The following AGMO variants were observed in gnomAD, a reference collection of about 807,000 sequenced individuals.
The protein encoded by AGMO is glyceryl-ether monooxygenase.
Under a neutral mutation model 60.2 loss-of-function variants are expected in AGMO, and 75 were observed. The observed-to-expected ratio is 1.25, with a 90% CI of 1.03 to 1.51. The LOEUF is 1.51. AGMO is among the 40% of genes most tolerant of loss of function. AGMO has a pLI of 0.00. For synonymous variants in AGMO, 261 were observed against 177.1 expected (o/e 1.47, Z -3.76); for missense variants, 763 against 525.5 (o/e 1.45, Z -4.42).
chr7:15,217,412 C>T (rs1781773652), intron 12 of AGMO, among the ~76,000 whole-genome samples: 1 of 151,932 alleles, frequency 6.6e-6, no homozygotes, highest in Non-Finnish European at 1.5e-5. Context: ...AAAACAAAGA[C>T]ATCTTGAGAG....
At chr7:15,177,015 A>C in the AGMO span, among the ~76,000 whole-genome samples, 1 of 152,106 alleles carries the variant, frequency 6.6e-6, no homozygotes, top group African/African-American at 2.4e-5. Flanking sequence ...CTTGCCTAGC[A>C]AATAAATGTC....
intron 12 of AGMO, among the ~76,000 whole-genome samples, chr7:15,339,751 A>T (rs151171917): frequency 6.6e-6 from 1 of 152,274 alleles, no homozygotes; most frequent in Non-Finnish European, 1.5e-5. Flanking sequence ...TTAGGCAAAA[A>T]TCCCCCCAAA....
intron 2 of AGMO, among the ~76,000 whole-genome samples, chr7:15,546,954 T>C (rs1784797071): frequency 1.3e-5 from 2 of 152,212 alleles, no homozygotes; most frequent in South Asian, 4.1e-4. Context: ...TTGCTCACTA[T>C]TGTTCATTAG....
chr7:15,288,829 A>G (rs1357737507), intron 12 of AGMO, among the ~76,000 whole-genome samples: 1 of 150,196 alleles, frequency 6.7e-6, no homozygotes, highest in Non-Finnish European at 1.5e-5. Context: ...TTTTAAACAG[A>G]GGGCTTTAAA....
intron 12 of AGMO, among the ~76,000 whole-genome samples, chr7:15,296,548 TTAAA>T (rs201647122): frequency 0.015 from 2,241 of 152,256 alleles, 63 homozygotes; most frequent in African/African-American, 0.05. Context: ...CACCTCCTTG[TTAAA>T]TAAAGTCTTC....
chr7:15,442,683 C>G (rs767580611), intron 3 of AGMO, among the ~76,000 whole-genome samples: 1 of 151,984 alleles, frequency 6.6e-6, no homozygotes, highest in Non-Finnish European at 1.5e-5. Context: ...GCTCCACCCC[C>G]GGGGCCTCTA....
At chr7:15,346,786 A>T (rs78057343) in intron 12 of AGMO, among the ~76,000 whole-genome samples, 5,424 of 152,078 alleles carry the variant, frequency 0.036, 104 homozygotes, top group Admixed American at 0.052. Flanking sequence ...AAGCAAAAAA[A>T]CAAGTTGTCT....
chr7:15,206,340 TATATAC>T (rs151162546), intron 12 of AGMO, among the ~76,000 whole-genome samples: 19,200 of 152,004 alleles, frequency 0.13, 1,490 homozygotes, highest in East Asian at 0.33. Context: ...AAATATTCTA[TATATAC>T]AAACATATTT....
At chr7:15,252,876 A>G (rs1782979983) in intron 12 of AGMO, among the ~76,000 whole-genome samples, 1 of 152,186 alleles carries the variant, frequency 6.6e-6, no homozygotes, top group Non-Finnish European at 1.5e-5. Context: ...AAAAGACAAG[A>G]GATCATGACA....
At chr7:15,275,542 T>C (rs1381105767) in intron 12 of AGMO, among the ~76,000 whole-genome samples, 1 of 152,204 alleles carries the variant, frequency 6.6e-6, no homozygotes, top group Non-Finnish European at 1.5e-5. Context: ...AAGAATGTTC[T>C]ATAAATGTCT....
At chr7:15,257,401 TATTA>T (rs1334589661) in intron 12 of AGMO, among the ~76,000 whole-genome samples, 7 of 152,178 alleles carry the variant, frequency 4.6e-5, no homozygotes, top group African/African-American at 1.7e-4. Flanking sequence ...TTTATTGAAA[TATTA>T]ATTCACCTAT....
At chr7:15,185,947 T>C in the AGMO span, among the ~76,000 whole-genome samples, 7 of 152,340 alleles carry the variant, frequency 4.6e-5, no homozygotes, top group African/African-American at 1.7e-4. Flanking sequence ...AAACTCTGTA[T>C]ACAGAATTTT....
chr7:15,458,772 C>A (rs1181641382), intron 3 of AGMO, among the ~76,000 whole-genome samples: 1 of 152,022 alleles, frequency 6.6e-6, no homozygotes, highest in Non-Finnish European at 1.5e-5. Context: ...TAGTGAATTG[C>A]CTAAGACGAC....
intron 12 of AGMO, among the ~76,000 whole-genome samples, chr7:15,219,511 A>T (rs1199294405): frequency 1.3e-5 from 2 of 152,158 alleles, no homozygotes; most frequent in Admixed American, 1.3e-4. Context: ...TTTTAAAAGA[A>T]ATTAAGAGAC....
chr7:15,422,551 T>G (rs982658237), intron 4 of AGMO, among the ~76,000 whole-genome samples: 1 of 151,888 alleles, frequency 6.6e-6, no homozygotes, highest in Admixed American at 6.6e-5. Context: ...GAAGGGAAAC[T>G]GAAAAAAATA....
intron 4 of AGMO, among the ~76,000 whole-genome samples, chr7:15,424,296 G>A (rs1445615560): frequency 6.6e-6 from 1 of 151,948 alleles, no homozygotes; most frequent in Admixed American, 6.6e-5. Context: ...CTGCCACCAT[G>A]ACTGGCCCTG....
At chr7:15,370,662 T>C (rs1382550837) in intron 10 of AGMO, among the ~76,000 whole-genome samples, 2 of 152,228 alleles carry the variant, frequency 1.3e-5, no homozygotes, top group Non-Finnish European at 2.9e-5. Context: ...AATTTTTTCA[T>C]GTTTGTTGGA....
chr7:15,273,522 T>G (rs1033498457), intron 12 of AGMO, among the ~76,000 whole-genome samples: 3 of 152,208 alleles, frequency 2.0e-5, no homozygotes, highest in Non-Finnish European at 4.4e-5. Context: ...TTGGTTACTG[T>G]AGCCTTGTAG....
Position 15,348,142 on chromosome 7 carries a change from AT to A in AGMO, c.1263+17371del, listed in dbSNP as rs986377882. On this transcript the variant is annotated intron_variant, in intron 12 of 12. Transcript: ENST00000342526. ...GAGATGGAAAGAACACAGAATCCCT[AT>A]TGACATGTAATCCAAAAGGAACAGT... Among the ~76,000 whole-genome samples, 9 of 152,142 alleles carry A rather than the reference AT, an allele frequency of 5.9e-5. No individual in the cohort carries two copies. In the East Asian group the frequency reaches 1.7e-3, roughly 29 times the overall value.
Sources: gnomAD v4.1 joint callset for allele counts (sites outside exome capture counted in the v4.1 genomes callset) on GRCh38, gnomAD v4.1.1 for gene constraint, MANE v1.5 for transcripts, NCBI Gene and HGNC (gene_info 2026-07-23, HGNC 2026-07-21) for gene names.